The following HEATR9 variants were observed in gnomAD, a reference collection of about 807,000 sequenced individuals.
The protein encoded by HEATR9 is protein HEATR9.
A neutral mutation model predicts 68.2 loss-of-function variants in HEATR9; 54 were observed. The observed-to-expected ratio is 0.79, with a 90% CI of 0.64 to 0.99. The LOEUF is 0.99. HEATR9 is among the 50% of genes least tolerant of loss of function. The pLI, the probability that HEATR9 is intolerant of heterozygous loss-of-function variation, is 0.00. For synonymous variants in HEATR9, 241 were observed against 253.5 expected (o/e 0.95, Z 0.47); for missense variants, 662 against 679.7 (o/e 0.97, Z 0.29).
Position 35,864,696 on chromosome 17 carries a change from G to A in HEATR9, c.453+62C>T, listed in dbSNP as rs527708929. 7.5e-5 allele frequency: 121 copies of A among 1,608,904 alleles called. No individual in the cohort carries two copies. In the African/African-American group the frequency reaches 1.5e-3, roughly 20 times the overall value. ...GACTGAGGGCTGAAGGATGGTGTGA[G>A]CCCAAGGGAAGGGCACCCACAGGGA... is the stretch of plus-strand genomic sequence containing the variant. On this transcript the variant is annotated intron_variant, in intron 4 of 14. Coordinates refer to ENST00000604834, the MANE Select transcript of HEATR9 (RefSeq NM_152781.4).
chr17:35,864,757 C>A lies in HEATR9; in HGVS notation c.453+1G>T. The A allele has an allele frequency of 6.2e-7, 1 of 1,614,214 alleles. No homozygotes were observed. ...CACGTCCTCTCCCACATGGTCCTGA[C>A]CCTTAATCTTTGCCACTTCAGGGGG... is the stretch of plus-strand genomic sequence containing the variant. On this transcript the variant is annotated splice_donor_variant, in intron 4 of 14. Transcript: ENST00000604834. LOFTEE classifies it high-confidence loss of function.
chr17:35,867,715 A>G, intron 1 of HEATR9, among the ~76,000 whole-genome samples: 1 of 152,068 alleles, frequency 6.6e-6, no homozygotes, highest in East Asian at 1.9e-4. Context: ...TCATACCCAC[A>G]GTATCTGATT....
At chr17:35,861,503 CA>C (rs2087991853) in intron 8 of HEATR9, 2 of 1,137,212 alleles carry the variant, frequency 1.8e-6, no homozygotes, top group Non-Finnish European at 2.6e-6. Flanking sequence ...TCGTTGCGGA[CA>C]AACATCATGT....
chr17:35,860,988 G>A lies in HEATR9; in HGVS notation c.757-1918C>T, dbSNP rs191826085. 1.1e-3 allele frequency: 632 copies of A among 557,924 alleles called. 3 individuals carry two copies. The highest frequency in any genetic ancestry group is 0.01 in the African/African-American group (551 of 52,906). The allele number at this position is 557,924 out of a possible 1,614,324, so 34.6% of individuals were successfully genotyped here. A position where few individuals can be genotyped will look rare whatever the true frequency, so the allele number is the denominator to read the frequency against. On this transcript the variant is annotated intron_variant, in intron 8 of 14. Coordinates refer to ENST00000604834, the MANE Select transcript of HEATR9 (RefSeq NM_152781.4). ...TTGAATCCGGGAGGCCGAGGTTGCA[G>A]TGAGCCGAGATCATGCCACTGCACT...
rs1568328308 is a variant in HEATR9, at chr17:35,865,242, ATCT to A, written c.290_292del (p.Lys97del). 10 of 1,613,926 alleles carry A rather than the reference ATCT, an allele frequency of 6.2e-6. No individual in the cohort carries two copies. The highest frequency in any genetic ancestry group is 5.0e-5 in the Admixed American group (3 of 60,008). ...ACAGTCATCTCTCATTTTCCTCAACATCTTCTCAGCCTCCCTTTCCTCTCGCTG... is the reference window on the plus strand; with the variant it reads ...ACAGTCATCTCTCATTTTCCTCAACATCTCAGCCTCCCTTTCCTCTCGCTG... On this transcript the variant is annotated inframe_deletion, in exon 3 of 15. Transcript: ENST00000604834.
At position 35,867,420 on chromosome 17, in the gene HEATR9, G is replaced by A. The variant is rs868673379; in HGVS notation, c.89-647C>T. On this transcript the variant is annotated intron_variant, in intron 1 of 14. Transcript: ENST00000604834. ...ACTGTACTCCAGCCTGGGTAACAGAGCAAGACTCAAAAAAAAAAAAAAAAA... is the reference window on the plus strand; with the variant it reads ...ACTGTACTCCAGCCTGGGTAACAGAACAAGACTCAAAAAAAAAAAAAAAAA... Among the ~76,000 whole-genome samples, 350 of 63,984 alleles carry A rather than the reference G, an allele frequency of 5.5e-3. 1 individual carries two copies. Among genetic ancestry groups the A allele is most frequent in the African/African-American group, 0.023 (331 of 14,648 alleles). 42.0% of individuals were successfully genotyped at this position (63,984 alleles called of 152,430 possible).
intron 13 of HEATR9, 54 bp downstream of exon 13, chr17:35,856,119 A>G (rs373793434): frequency 6.2e-5 from 97 of 1,557,756 alleles, no homozygotes; most frequent in Middle Eastern, 4.1e-4. Context: ...TCAATCGCCT[A>G]CTCCCCCTGC....
intron 3 of HEATR9, 126 bp from the exon 4 acceptor site, chr17:35,865,016 C>T: frequency 7.1e-7 from 1 of 1,399,632 alleles, no homozygotes; most frequent in Non-Finnish European, 1.0e-6. Context: ...CAGATGAGGA[C>T]TCAGTGATAT....
chr17:35,855,857 G>T, intron 13 of HEATR9, 107 bp from the exon 14 acceptor site: 1 of 944,380 alleles, frequency 1.1e-6, no homozygotes, highest in Non-Finnish European at 1.7e-6. Context: ...AGAGAGGGGG[G>T]AGATAGGGTT....
chr17:35,855,433 G>A (rs745337582), intron 14 of HEATR9, 23 bp from the exon 15 acceptor site: 14 of 1,596,336 alleles, frequency 8.8e-6, no homozygotes, highest in Non-Finnish European at 8.6e-7. Context: ...AAAGGTCCTA[G>A]TGCTGGCTCA....
intron 8 of HEATR9, among the ~76,000 whole-genome samples, 199 bp from the exon 9 acceptor site, chr17:35,859,269 CTG>C (rs1399669429): frequency 2.6e-5 from 4 of 152,174 alleles, no homozygotes; most frequent in African/African-American, 9.7e-5. Context: ...GGATGGATCA[CTG>C]TTACTCTCTT....
intron 8 of HEATR9, 43 bp from the exon 9 acceptor site, chr17:35,859,113 T>G (rs781720275): frequency 1.9e-6 from 3 of 1,551,500 alleles, no homozygotes; most frequent in Non-Finnish European, 2.7e-6. Flanking sequence ...GCTATGTACT[T>G]TATGCCAGGC....
At chr17:35,856,467 C>A (rs558509479) in intron 12 of HEATR9, 52 of 1,114,330 alleles carry the variant, frequency 4.7e-5, no homozygotes, top group South Asian at 3.1e-4. Context: ...AAAAAAAGTT[C>A]TTTTCATGTC....
At chr17:35,866,817 G>T (rs779712695) in intron 1 of HEATR9, 44 bp from the exon 2 acceptor site, 10 of 1,586,676 alleles carry the variant, frequency 6.3e-6, no homozygotes, top group Non-Finnish European at 6.9e-6. Context: ...AAATGAGATA[G>T]CAGTTGCAGG....
At chr17:35,864,082 G>C (rs2088105252) in intron 6 of HEATR9, 164 bp downstream of exon 6, 1 of 600,252 alleles carries the variant, frequency 1.7e-6, no homozygotes, top group African/African-American at 1.8e-5. Context: ...GCTCTTCGAA[G>C]AGGCCAAGGA....
intron 13 of HEATR9, 101 bp from the exon 14 acceptor site, chr17:35,855,851 A>AGGG: frequency 9.9e-7 from 1 of 1,011,254 alleles, no homozygotes; most frequent in Non-Finnish European, 1.5e-6. Flanking sequence ...CAGCATAGAG[A>AGGG]GGGGGGAGAT....
In HEATR9 at chr17:35,866,783, G is replaced by A; in HGVS notation, c.89-10C>T. ...ATGGCTTTTCTGAGTTCTGGCAAGA[G>A]GGATAAGAGTATGTGTGTGGTTCAA... is the stretch of plus-strand genomic sequence containing the variant. On this transcript the variant is annotated splice_polypyrimidine_tract_variant and intron_variant, in intron 1 of 14. Coordinates refer to ENST00000604834, the MANE Select transcript of HEATR9 (RefSeq NM_152781.4). 2 of 1,613,598 alleles carry A rather than the reference G, an allele frequency of 1.2e-6. No individual in the cohort carries two copies. The highest frequency in any genetic ancestry group is 1.3e-5 in the African/African-American group (1 of 74,998).
chr17:35,858,238 T>A lies in HEATR9; in HGVS notation c.1114A>T (p.Asn372Tyr). ...TTATGCGTCTTCCTCCTGAGCAGGT[T>A]AAATGTGAGTTCCTCTAGCCCCTGT... Reference protein sequence around the residue: ...QAQGLEELTFNLLRRKTHNEP... With the variant: ...QAQGLEELTFYLLRRKTHNEP... Residue 372 changes from asparagine (N) to tyrosine (Y), a missense_variant, in exon 11 of 15, where the codon AAC (asparagine) becomes TAC (tyrosine). By Grantham distance (143) the Asn-to-Tyr change is moderately radical. Coordinates refer to ENST00000604834, the MANE Select transcript of HEATR9 (RefSeq NM_152781.4). 1 of 1,614,198 alleles carries A rather than the reference T, an allele frequency of 6.2e-7. No individual in the cohort carries two copies. Among genetic ancestry groups the A allele is most frequent in the Non-Finnish European group, 8.5e-7 (1 of 1,180,020 alleles).
In HEATR9 at chr17:35,858,326, T is replaced by TC; in HGVS notation, c.1033-8dup. On this transcript the variant is annotated splice_region_variant and splice_polypyrimidine_tract_variant and intron_variant, in intron 10 of 14. Coordinates refer to ENST00000604834, the MANE Select transcript of HEATR9 (RefSeq NM_152781.4). ...GGGTGGCTTCAAAGCGGTCCTGAGG[T>TC]CGGGGGTGAGGGTTAGTGGGGAGGT... is the stretch of plus-strand genomic sequence containing the variant. 3 of 1,614,072 alleles carry TC rather than the reference T, an allele frequency of 1.9e-6. No individual in the cohort carries two copies. The South Asian group carries it at 3.3e-5, about 18-fold the overall frequency.
Sources: allele counts gnomAD v4.1 joint callset (sites outside exome capture counted in the v4.1 genomes callset), GRCh38; gene constraint gnomAD v4.1.1; transcripts MANE v1.5; gene names NCBI Gene and HGNC (gene_info 2026-07-23, HGNC 2026-07-21).